The following ATMIN variants were observed in gnomAD, a reference collection of about 807,000 sequenced individuals.
ATMIN encodes the protein ATM interactor.
ATMIN carries 24 observed loss-of-function variants against 49.2 expected under a neutral mutation model. The ratio of observed to expected loss-of-function variants is 0.49; its 90% CI spans 0.35 to 0.69. The LOEUF (loss-of-function observed/expected upper bound fraction) is 0.69. ATMIN is among the 30% of genes least tolerant of loss of function. The pLI is 0.00. For missense variants in ATMIN, 1,037 were observed against 1,005.5 expected (o/e 1.03, Z -0.42); for synonymous variants, 450 against 392.5 (o/e 1.15, Z -1.73).
Position 81,043,872 on chromosome 16 carries a change from C to A in ATMIN, c.1374C>A (p.His458Gln). The A allele has an allele frequency of 6.2e-7, 1 of 1,614,184 alleles. No individual in the cohort carries two copies. Among genetic ancestry groups the A allele is most frequent in the Non-Finnish European group, 8.5e-7 (1 of 1,180,040 alleles). ...DSQVSLPISVHTQTFLPSSKV... is the reference protein window; with the variant it reads ...DSQVSLPISVQTQTFLPSSKV... ...AAGTGTCTCTTCCCATTAGTGTTCACACTCAGACATTTTTGCCCAGCTCTA... is the reference window on the plus strand; with the variant it reads ...AAGTGTCTCTTCCCATTAGTGTTCAAACTCAGACATTTTTGCCCAGCTCTA... Residue 458 changes from histidine (H) to glutamine (Q), a missense_variant, in exon 4 of 4, where the codon CAC becomes CAA. Transcript: ENST00000299575.
chr16:81,036,311 C>T, intron 1 of ATMIN, 105 bp downstream of exon 1: 1 of 993,466 alleles, frequency 1.0e-6, no homozygotes, highest in Non-Finnish European at 1.2e-6. Flanking sequence ...GCCCTGCGCG[C>T]TGCCGCTGCC....
In ATMIN at chr16:81,035,985, C is replaced by A. The variant is rs1285080789; in HGVS notation, c.115C>A (p.Pro39Thr). ...CGCCGCCGCCTCGGGCCCGTGGGTG[C>A]CCCCGGGACCCCGACTGAGGGGCAG... is the stretch of plus-strand genomic sequence containing the variant. ...AAAAASGPWV[P>T]PGPRLRGSRP... is the part of the protein sequence containing the mutation. The change falls in exon 1 of 4, where the codon CCC becomes ACC. Residue 39 changes from proline (P) to threonine (T), a missense_variant. By Grantham distance (38) the Pro-to-Thr change is conservative. Coordinates refer to ENST00000299575, the MANE Select transcript of ATMIN (RefSeq NM_015251.3). 1 of 1,096,908 alleles carries A rather than the reference C, an allele frequency of 9.1e-7. No homozygotes were observed. Among genetic ancestry groups the A allele is most frequent in the South Asian group, 4.3e-5 (1 of 23,148 alleles). The allele number at this position is 1,096,908 out of a possible 1,614,324, so 67.9% of individuals were successfully genotyped here.
Position 81,036,162 on chromosome 16 carries a change from A to C in ATMIN, c.292A>C (p.Ser98Arg). 6.8e-7 allele frequency: 1 copy of C among 1,466,918 alleles called. No individual in the cohort carries two copies. The allele number at this position is 1,466,918 out of a possible 1,614,324, so 90.9% of individuals were successfully genotyped here. A position where few individuals can be genotyped will look rare whatever the true frequency, so the allele number is the denominator to read the frequency against. The change falls in exon 1 of 4, where the codon AGC becomes CGC. Residue 98 changes from serine to arginine, a missense_variant. Physicochemically the swap from Ser to Arg is moderately radical, Grantham distance 110. Transcript: ENST00000299575. ...CGGCTGCGGCAAGATCCTGCCCAAC[A>C]GCCCCGCGCTCAACATGCACCTAGT... ...VRGCGKILPN[S>R]PALNMHLVKS...
Position 81,044,884 on chromosome 16 carries a change from G to C in ATMIN, c.2386G>C (p.Asp796His). Residue 796 changes from aspartate to histidine, a missense_variant, in exon 4 of 4, where the codon GAT (aspartate) becomes CAT (histidine). Physicochemically the swap from Asp to His is moderately conservative, Grantham distance 81. Transcript: ENST00000299575. The part of the protein sequence containing the change: ...QTAMDDFLLA[D>H]LAWNTMESQF... ...AGCAATGGATGACTTTCTTCTGGCT[G>C]ATCTGGCCTGGAACACGATGGAGTC... 1 of 1,614,190 alleles carries C rather than the reference G, an allele frequency of 6.2e-7. No homozygotes were observed. The highest frequency in any genetic ancestry group is 8.5e-7 in the Non-Finnish European group (1 of 1,180,030).
rs1184294596 is a variant in ATMIN at position 81,044,913 on chromosome 16, G to C, written c.2415G>C (p.Gln805His). Residue 805 changes from glutamine (Q) to histidine (H), a missense_variant, in exon 4 of 4, where the codon CAG becomes CAC. Transcript: ENST00000299575. ...TGGCCTGGAACACGATGGAGTCTCA[G>C]TTCAGCTCTGTAGAAACCCAGACTT... is the stretch of plus-strand genomic sequence containing the variant. Reference protein sequence around the residue: ...ADLAWNTMESQFSSVETQTSA... With the variant: ...ADLAWNTMESHFSSVETQTSA... The C allele has an allele frequency of 3.7e-6, 6 of 1,613,980 alleles. No homozygotes were observed. Among genetic ancestry groups the C allele is most frequent in the Non-Finnish European group, 4.2e-6 (5 of 1,179,958 alleles).
At position 81,045,123 on chromosome 16, in the gene ATMIN, C is replaced by A; in HGVS notation, c.*153C>A. The A allele has an allele frequency of 9.9e-7, 1 of 1,014,140 alleles. No homozygotes were observed. 62.8% of individuals were successfully genotyped at this position (1,014,140 alleles called of 1,614,324 possible). On this transcript the variant is annotated 3_prime_UTR_variant, in exon 4 of 4. Coordinates refer to ENST00000299575, the MANE Select transcript of ATMIN (RefSeq NM_015251.3). ...TTTCTTTGCCTTTTGTACTTGTAAA[C>A]AGAAATTTGCGTATAAATGTGAGTG...
intron 1 of ATMIN, 97 bp downstream of exon 1, chr16:81,036,303 C>A (rs1970931366): frequency 9.4e-7 from 1 of 1,060,756 alleles, no homozygotes; most frequent in South Asian, 4.4e-5. Flanking sequence ...GGACGAGCGC[C>A]CTGCGCGCTG....
Position 81,043,265 on chromosome 16 carries a change from A to G in ATMIN, c.767A>G (p.Asp256Gly). The G allele has an allele frequency of 2.5e-6, 4 of 1,614,220 alleles. No individual in the cohort carries two copies. The highest frequency in any genetic ancestry group is 3.4e-6 in the Non-Finnish European group (4 of 1,180,038). Residue 256 changes from aspartate (D) to glycine (G), a missense_variant, in exon 4 of 4, where the codon GAC becomes GGC. Coordinates refer to ENST00000299575, the MANE Select transcript of ATMIN (RefSeq NM_015251.3). ...SLNNQPIPRP[D>G]TQELEASEIK... Reference sequence around the variant, plus strand: ...AACAACCAACCAATCCCTAGACCAGACACTCAAGAACTAGAAGCTTCAGAA... The same window carrying G: ...AACAACCAACCAATCCCTAGACCAGGCACTCAAGAACTAGAAGCTTCAGAA...
chr16:81,041,572 C>T (rs918165298), intron 2 of ATMIN, 91 bp downstream of exon 2: 2 of 1,485,792 alleles, frequency 1.3e-6, no homozygotes, highest in African/African-American at 1.4e-5. Flanking sequence ...ATTGAGTAGA[C>T]AGCTGCTTGT....
In ATMIN at chr16:81,041,473, G is replaced by T. The variant is rs149521986; in HGVS notation, c.454G>T (p.Val152Leu). Residue 152 changes from valine (V) to leucine (L), a missense_variant, in exon 2 of 4, where the codon GTA (valine) becomes TTA (leucine). Coordinates refer to ENST00000299575, the MANE Select transcript of ATMIN (RefSeq NM_015251.3). ...PERPFSQFSL[V>L]KQHFMKMHAE... Reference sequence around the variant, plus strand: ...GAGACCGTTTTCTCAGTTTTCTCTCGTAAAACAGGTACTCTCTACTCTGAG... The same window carrying T: ...GAGACCGTTTTCTCAGTTTTCTCTCTTAAAACAGGTACTCTCTACTCTGAG... The T allele has an allele frequency of 2.5e-6, 4 of 1,607,516 alleles. No homozygotes were observed. The highest frequency in any genetic ancestry group is 1.7e-5 in the Admixed American group (1 of 57,898).
Position 81,044,490 on chromosome 16 carries a change from C to G in ATMIN, c.1992C>G (p.Val664=). ...TTAGCACCATGACCACCGAGCCAGT[C>G]TTGGAGTCACTGGACATAGAGACTC... The part of the protein sequence containing the change: ...SELSTMTTEP[V]LESLDIETQT... The change falls in exon 4 of 4, where the codon GTC becomes GTG. Residue 664 remains valine (V), a synonymous_variant. Transcript: ENST00000299575. 6.2e-7 allele frequency: 1 copy of G among 1,614,156 alleles called. No individual in the cohort carries two copies. The highest frequency in any genetic ancestry group is 8.5e-7 in the Non-Finnish European group (1 of 1,180,018).
chr16:81,042,222 T>C (rs1971047835), intron 2 of ATMIN, 59 bp from the exon 3 acceptor site: 1 of 1,456,018 alleles, frequency 6.9e-7, no homozygotes, highest in East Asian at 2.3e-5. Flanking sequence ...TATGATGGTT[T>C]CTGAAATGTT....
Position 81,035,866 on chromosome 16 carries a change from G to T in ATMIN, c.-5G>T, listed in dbSNP as rs1303728434. 3 of 881,148 alleles carry T rather than the reference G, an allele frequency of 3.4e-6. No individual in the cohort carries two copies. Among genetic ancestry groups the T allele is most frequent in the African/African-American group, 1.8e-5 (1 of 54,642 alleles). 54.6% of individuals were successfully genotyped at this position (881,148 alleles called of 1,614,324 possible). A position where few individuals can be genotyped will look rare whatever the true frequency, so the allele number is the denominator to read the frequency against. ...CGAACTGGGCCGGGCGGCCGTGCGG[G>T]AGCCATGGCGGCCTCGGAGGCGGCG... On this transcript the variant is annotated 5_prime_UTR_variant, in exon 1 of 4. Transcript: ENST00000299575.
intron 1 of ATMIN, among the ~76,000 whole-genome samples, chr16:81,039,559 T>G (rs137991383): frequency 6.6e-6 from 1 of 152,288 alleles, no homozygotes; most frequent in Non-Finnish European, 1.5e-5. Flanking sequence ...CCATATCCTG[T>G]AAGGAAATCC....
At chr16:81,042,221 T>C in intron 2 of ATMIN, 60 bp from the exon 3 acceptor site, 1 of 1,450,400 alleles carries the variant, frequency 6.9e-7, no homozygotes, top group Non-Finnish European at 9.6e-7. Flanking sequence ...GTATGATGGT[T>C]TCTGAAATGT....
At chr16:81,042,143 CTTT>C in intron 2 of ATMIN, 135 bp from the exon 3 acceptor site, 1 of 743,950 alleles carries the variant, frequency 1.3e-6, no homozygotes, top group Non-Finnish European at 2.2e-6. Context: ...CTTTTACATT[CTTT>C]TGACTTGGAC....
At chr16:81,039,225 C>A (rs1458323947) in intron 1 of ATMIN, among the ~76,000 whole-genome samples, 1 of 152,202 alleles carries the variant, frequency 6.6e-6, no homozygotes, top group Non-Finnish European at 1.5e-5. Context: ...GAGACTCCAT[C>A]CACTTTCTGC....
Position 81,043,957 on chromosome 16 carries a change from G to T in ATMIN, c.1459G>T (p.Gly487Cys). 1 of 1,614,192 alleles carries T rather than the reference G, an allele frequency of 6.2e-7. No individual in the cohort carries two copies. Among genetic ancestry groups the T allele is most frequent in the South Asian group, 1.1e-5 (1 of 91,078 alleles). The change falls in exon 4 of 4, where the codon GGT becomes TGT. Residue 487 changes from glycine (G) to cysteine (C), a missense_variant. Gly to Cys is a radical substitution (Grantham distance 159). Transcript: ENST00000299575. ...ATTTATGGACACCTGTTTCCAGTCAGGTGGGGTCTCCAGAGAAACTCAAAC... is the reference window on the plus strand; with the variant it reads ...ATTTATGGACACCTGTTTCCAGTCATGTGGGGTCTCCAGAGAAACTCAAAC... ...DAFMDTCFQSGGVSRETQTSG... is the reference protein window; with the variant it reads ...DAFMDTCFQSCGVSRETQTSG...
chr16:81,038,655 A>T, intron 1 of ATMIN, among the ~76,000 whole-genome samples: 1 of 152,096 alleles, frequency 6.6e-6, no homozygotes, highest in Non-Finnish European at 1.5e-5. Flanking sequence ...TTGTCTGGTT[A>T]CTACATAGAA....
Sources: allele counts gnomAD v4.1 joint callset (sites outside exome capture counted in the v4.1 genomes callset), GRCh38; gene constraint gnomAD v4.1.1; transcripts MANE v1.5; gene names NCBI Gene and HGNC (gene_info 2026-07-23, HGNC 2026-07-21).